The following ZNF19 variants were observed in gnomAD, a reference collection of about 807,000 sequenced individuals.
ZNF19 encodes the protein zinc finger protein 19.
Under a neutral mutation model 13.1 loss-of-function variants are expected in ZNF19, and 11 were observed. The observed-to-expected ratio is 0.84, with a 90% CI of 0.53 to 1.39. The LOEUF (loss-of-function observed/expected upper bound fraction) is 1.39. ZNF19 is among the 40% of genes most tolerant of loss of function. The pLI is 0.00. For missense variants in ZNF19, 560 were observed against 547.0 expected (o/e 1.02, Z -0.24); for synonymous variants, 186 against 187.0 (o/e 0.99, Z 0.04).
chr16:71,485,881 T>TGA (rs2043675038), intron 1 of ZNF19, among the ~76,000 whole-genome samples: 1 of 152,150 alleles, frequency 6.6e-6, no homozygotes, highest in Non-Finnish European at 1.5e-5. Context: ...AGGAACCTCA[T>TGA]AACCATCAGC....
chr16:71,479,187 T>G, intron 3 of ZNF19, 182 bp from the exon 4 acceptor site: 2 of 680,298 alleles, frequency 2.9e-6, no homozygotes, highest in Non-Finnish European at 5.0e-6. Flanking sequence ...ATCTGGAACT[T>G]CTCTCACTAC....
chr16:71,474,904 G>T lies in ZNF19; in HGVS notation c.*266C>A. The T allele has an allele frequency of 4.8e-6, 2 of 420,442 alleles. No homozygotes were observed. Among genetic ancestry groups the T allele is most frequent in the Non-Finnish European group, 4.2e-6 (1 of 237,320 alleles). The allele number at this position is 420,442 out of a possible 1,614,324, so 26.0% of individuals were successfully genotyped here. A position where few individuals can be genotyped will look rare whatever the true frequency, so the allele number is the denominator to read the frequency against. On this transcript the variant is annotated 3_prime_UTR_variant, in exon 6 of 6. Coordinates refer to ENST00000288177, the MANE Select transcript of ZNF19 (RefSeq NM_006961.4). Reference sequence around the variant, plus strand: ...TCCAATTCTCAGATGCATTTTTGCTGTGTGGACTTCATTCTCACCTCTGTA... The same window carrying T: ...TCCAATTCTCAGATGCATTTTTGCTTTGTGGACTTCATTCTCACCTCTGTA...
chr16:71,476,060 A>C lies in ZNF19; in HGVS notation c.487T>G (p.Cys163Gly), dbSNP rs1390393340. The stretch of plus-strand genomic sequence containing the variant: ...CTGAAGGATTTCCCACACTCCTCAC[A>C]TATGAAAGGTTTCCTTGCACAGGGG... ...RIPCARKPFI[C>G]EECGKSFSYF... is the part of the protein sequence containing the mutation. Residue 163 changes from cysteine to glycine, a missense_variant, in exon 6 of 6, where the codon TGT (cysteine) becomes GGT (glycine). Coordinates refer to ENST00000288177, the MANE Select transcript of ZNF19 (RefSeq NM_006961.4). The C allele has an allele frequency of 6.2e-7, 1 of 1,614,218 alleles. No homozygotes were observed. Among genetic ancestry groups the C allele is most frequent in the East Asian group, 2.2e-5 (1 of 44,892 alleles).
At chr16:71,479,085 G>A in intron 3 of ZNF19, 80 bp from the exon 4 acceptor site, 1 of 1,604,190 alleles carries the variant, frequency 6.2e-7, no homozygotes, top group Non-Finnish European at 8.5e-7. Flanking sequence ...GACAGGTAGG[G>A]ACTTGAGGGA....
chr16:71,480,991 C>G (rs1377617958), intron 3 of ZNF19, among the ~76,000 whole-genome samples: 2 of 152,162 alleles, frequency 1.3e-5, no homozygotes, highest in Non-Finnish European at 2.9e-5. Context: ...ATCCGGGAAG[C>G]GCTGCAAACA....
intron 2 of ZNF19, chr16:71,482,431 C>T (rs776778574): frequency 2.4e-4 from 71 of 297,020 alleles, no homozygotes; most frequent in African/African-American, 4.9e-4. Flanking sequence ...AAACTCAGAG[C>T]GAAACCTAAC....
chr16:71,478,523 A>G (rs1277025741), intron 4 of ZNF19, 182 bp from the exon 5 acceptor site: 16 of 701,660 alleles, frequency 2.3e-5, no homozygotes, highest in East Asian at 1.9e-4. Context: ...AAAAACACTC[A>G]AGGATAAGTA....
intron 1 of ZNF19, among the ~76,000 whole-genome samples, chr16:71,486,477 T>C (rs1275604739): frequency 6.6e-6 from 1 of 152,176 alleles, no homozygotes; most frequent in Non-Finnish European, 1.5e-5. Context: ...CAAGAAGGAC[T>C]TGGCCCAACC....
intron 1 of ZNF19, among the ~76,000 whole-genome samples, chr16:71,485,506 C>G (rs1333004974): frequency 1.4e-5 from 2 of 146,286 alleles, no homozygotes; most frequent in Non-Finnish European, 3.0e-5. Flanking sequence ...AAGACCAGGT[C>G]TAAGGAGGGA....
intron 2 of ZNF19, 125 bp from the exon 3 acceptor site, chr16:71,482,268 T>C: frequency 1.3e-6 from 1 of 779,834 alleles, no homozygotes; most frequent in South Asian, 1.6e-5. Flanking sequence ...TAGTGGTGCA[T>C]AAATATGTAC....
chr16:71,481,371 C>T (rs1567570491), intron 3 of ZNF19, among the ~76,000 whole-genome samples: 1 of 152,146 alleles, frequency 6.6e-6, no homozygotes, highest in Non-Finnish European at 1.5e-5. Flanking sequence ...GCAGCAACTC[C>T]GTCTCAAAAA....
At chr16:71,481,829 T>C (rs992998092) in intron 3 of ZNF19, among the ~76,000 whole-genome samples, 19 of 152,184 alleles carry the variant, frequency 1.2e-4, no homozygotes, top group African/African-American at 4.6e-4. Flanking sequence ...GGACAGCTAC[T>C]GAACCTGGGG....
intron 2 of ZNF19, among the ~76,000 whole-genome samples, chr16:71,482,516 A>T (rs1290311504): frequency 1.3e-5 from 2 of 152,220 alleles, no homozygotes; most frequent in Admixed American, 6.5e-5. Context: ...AGCAAGTATC[A>T]TGCTTTTGGA....
At chr16:71,482,325 G>A (rs2043642549) in intron 2 of ZNF19, 182 bp from the exon 3 acceptor site, 2 of 586,192 alleles carry the variant, frequency 3.4e-6, no homozygotes, top group South Asian at 4.2e-5. Context: ...TGAGGAAACA[G>A]ATTTTGAAAG....
intron 3 of ZNF19, 79 bp from the exon 4 acceptor site, chr16:71,479,084 G>A (rs763195298): frequency 6.2e-7 from 1 of 1,604,882 alleles, no homozygotes; most frequent in Non-Finnish European, 8.5e-7. Flanking sequence ...GGACAGGTAG[G>A]GACTTGAGGG....
chr16:71,481,709 G>T (rs367638614), intron 3 of ZNF19, among the ~76,000 whole-genome samples: 1 of 152,120 alleles, frequency 6.6e-6, no homozygotes, highest in African/African-American at 2.4e-5. Context: ...TCCCTCTGCT[G>T]CTACTTCCCA....
At chr16:71,481,271 A>C (rs536525863) in intron 3 of ZNF19, among the ~76,000 whole-genome samples, 1 of 152,324 alleles carries the variant, frequency 6.6e-6, no homozygotes, top group African/African-American at 2.4e-5. Flanking sequence ...AAACTGAAGG[A>C]TGTGAGAAAT....
In ZNF19 at chr16:71,475,755, C is replaced by CT. The variant is rs1354890809; in HGVS notation, c.791dup (p.Arg265GlufsTer10). 5.6e-6 allele frequency: 9 copies of CT among 1,613,026 alleles called. No individual in the cohort carries two copies. In the East Asian group the frequency reaches 1.1e-4, roughly 20 times the overall value. Reference sequence around the variant, plus strand: ...AGGGTTTCTCCCCAGTGTGGATTCTCTGATGTATAACAAACTCGGAACTAC... The same window carrying CT: ...AGGGTTTCTCCCCAGTGTGGATTCTCTTGATGTATAACAAACTCGGAACTAC... On this transcript the variant is annotated frameshift_variant, in exon 6 of 6. Coordinates refer to ENST00000288177, the MANE Select transcript of ZNF19 (RefSeq NM_006961.4). LOFTEE classifies it low-confidence loss of function (END_TRUNC).
intron 1 of ZNF19, among the ~76,000 whole-genome samples, chr16:71,488,061 G>A (rs2043691685): frequency 6.6e-6 from 1 of 152,100 alleles, no homozygotes; most frequent in Non-Finnish European, 1.5e-5. Context: ...GCCAGAAAAA[G>A]AAATAAAAGG....
Sources: allele counts gnomAD v4.1 joint callset (sites outside exome capture counted in the v4.1 genomes callset), GRCh38; gene constraint gnomAD v4.1.1; transcripts MANE v1.5; gene names NCBI Gene and HGNC (gene_info 2026-07-23, HGNC 2026-07-21).